The following LHFPL2 variants were observed in gnomAD, a reference collection of about 807,000 sequenced individuals.
LHFPL2 encodes LHFPL tetraspan subfamily member 2 protein.
In LHFPL2, 7 loss-of-function variants were observed where a neutral mutation model predicts 17.5. The observed-to-expected ratio is 0.40, with a 90% confidence interval of 0.23 to 0.75. LHFPL2 has a LOEUF of 0.75. Ranked by LOEUF, LHFPL2 falls within the 30% of genes least tolerant of loss-of-function variation. LHFPL2 has a pLI of 0.37. For synonymous variants in LHFPL2, 134 were observed against 116.2 expected, an observed-to-expected ratio of 1.15 and a Z score of -0.99; for missense variants, 241 against 294.8, an observed-to-expected ratio of 0.82 and a Z score of 1.34.
chr5:78,577,219 A>C (rs1242748153), intron 2 of LHFPL2, among the ~76,000 whole-genome samples: 1 of 152,246 alleles, frequency 6.6e-6, no homozygotes, highest in Non-Finnish European at 1.5e-5. Context: ...TAAGGTAACA[A>C]AGGACTGATC....
At position 78,639,111 on chromosome 5, in the gene LHFPL2, GC is replaced by G. The variant is rs776535762; in HGVS notation, c.-349-6744del. Among the ~76,000 whole-genome samples, 6 of 152,004 alleles carry G rather than the reference GC, an allele frequency of 3.9e-5. No individual in the cohort carries two copies. The East Asian group carries it at 5.8e-4, about 15-fold the overall frequency. On this transcript the variant is annotated intron_variant, in intron 1 of 4. Transcript: ENST00000380345. ...ATGGCTGGTCAGACTATCCTAAGAGGCCCCCCAGCCACCTGTCCACACAGGT... is the reference window on the plus strand; with the variant it reads ...ATGGCTGGTCAGACTATCCTAAGAGGCCCCCAGCCACCTGTCCACACAGGT...
chr5:78,593,993 C>T (rs1181992288), intron 2 of LHFPL2, among the ~76,000 whole-genome samples: 1 of 152,180 alleles, frequency 6.6e-6, no homozygotes, highest in Admixed American at 6.5e-5. Flanking sequence ...TTGTTATGAA[C>T]ACTCTTCCAA....
At chr5:78,639,221 C>T (rs1745574870) in intron 1 of LHFPL2, among the ~76,000 whole-genome samples, 1 of 152,106 alleles carries the variant, frequency 6.6e-6, no homozygotes. Context: ...CCATACTGTC[C>T]CTGACTACAG....
intron 3 of LHFPL2, among the ~76,000 whole-genome samples, chr5:78,533,150 G>A (rs890200312): frequency 2.6e-5 from 4 of 152,256 alleles, no homozygotes; most frequent in Admixed American, 2.6e-4. Context: ...AATTCCTTAG[G>A]TCCAGGTCAG....
intron 3 of LHFPL2, among the ~76,000 whole-genome samples, chr5:78,563,991 CTT>C (rs1756796977): frequency 6.6e-6 from 1 of 152,164 alleles, no homozygotes; most frequent in African/African-American, 2.4e-5. Flanking sequence ...AGCTAAAAGA[CTT>C]TTCTACAAAT....
intron 4 of LHFPL2, among the ~76,000 whole-genome samples, chr5:78,491,843 A>C (rs1392591792): frequency 6.6e-6 from 1 of 152,244 alleles, no homozygotes; most frequent in Non-Finnish European, 1.5e-5. Context: ...GAAGCAGATC[A>C]GCTCATTGTT....
intron 2 of LHFPL2, among the ~76,000 whole-genome samples, chr5:78,571,455 G>A (rs1230896761): frequency 6.6e-6 from 1 of 152,114 alleles, no homozygotes; most frequent in African/African-American, 2.4e-5. Flanking sequence ...GCAGCTCAGA[G>A]AGTGGTAGGG....
intron 4 of LHFPL2, among the ~76,000 whole-genome samples, chr5:78,506,081 G>C (rs573292091): frequency 5.3e-5 from 8 of 152,210 alleles, no homozygotes; most frequent in Admixed American, 5.2e-4. Flanking sequence ...CCTGCTATCT[G>C]GATTCACATA....
intron 1 of LHFPL2, among the ~76,000 whole-genome samples, chr5:78,647,160 G>T (rs1219871939): frequency 6.6e-6 from 1 of 152,152 alleles, no homozygotes; most frequent in Non-Finnish European, 1.5e-5. Context: ...ACAGCAAAAA[G>T]AAATGAGACT....
At chr5:78,624,390 C>T (rs965011464) in intron 2 of LHFPL2, among the ~76,000 whole-genome samples, 4 of 152,152 alleles carry the variant, frequency 2.6e-5, no homozygotes, top group African/African-American at 9.7e-5. Context: ...ACACAAATTC[C>T]ACCCAAAAAT....
chr5:78,506,913 G>C (rs1754948536), intron 4 of LHFPL2, among the ~76,000 whole-genome samples: 1 of 151,866 alleles, frequency 6.6e-6, no homozygotes, highest in Admixed American at 6.6e-5. Context: ...ACAGGGGTAG[G>C]GAGGAAGTTA....
At chr5:78,529,944 A>G (rs899829769) in intron 3 of LHFPL2, among the ~76,000 whole-genome samples, 2 of 152,194 alleles carry the variant, frequency 1.3e-5, no homozygotes, top group East Asian at 3.8e-4. Flanking sequence ...TTTACAACTT[A>G]TTTTAAAAAT....
chr5:78,504,588 C>T (rs1754876454), intron 4 of LHFPL2, among the ~76,000 whole-genome samples: 1 of 152,142 alleles, frequency 6.6e-6, no homozygotes, highest in Admixed American at 6.6e-5. Context: ...GTATGCCCAC[C>T]CATACTTCCA....
chr5:78,535,275 C>G (rs1187909164), intron 3 of LHFPL2, among the ~76,000 whole-genome samples: 1 of 152,122 alleles, frequency 6.6e-6, no homozygotes. Context: ...AGGGTCCTGG[C>G]CTTCCACCCA....
At chr5:78,501,758 TA>T (rs983865357) in intron 4 of LHFPL2, among the ~76,000 whole-genome samples, 4 of 152,212 alleles carry the variant, frequency 2.6e-5, no homozygotes, top group Non-Finnish European at 4.4e-5. Context: ...GTGGACAAGC[TA>T]AACCAGGCTT....
At chr5:78,579,006 T>A (rs1257653961) in intron 2 of LHFPL2, among the ~76,000 whole-genome samples, 2 of 152,182 alleles carry the variant, frequency 1.3e-5, no homozygotes, top group Non-Finnish European at 2.9e-5. Flanking sequence ...GTGGTTGAGG[T>A]AGGCCCTTCT....
intron 2 of LHFPL2, among the ~76,000 whole-genome samples, chr5:78,620,769 C>G (rs1744823589): frequency 6.6e-6 from 1 of 152,214 alleles, no homozygotes; most frequent in Non-Finnish European, 1.5e-5. Flanking sequence ...CTGAGAAACC[C>G]TGTGCTGGGG....
chr5:78,641,921 A>ACACACACACACACACG (rs1317319046), intron 1 of LHFPL2: 13 of 131,322 alleles, frequency 9.9e-5, no homozygotes, highest in Admixed American at 7.6e-5. Flanking sequence ...ACACACACAC[A>ACACACACACACACACG]CACACACACA....
intron 3 of LHFPL2, among the ~76,000 whole-genome samples, chr5:78,553,929 T>G (rs773972696): frequency 3.9e-5 from 6 of 152,262 alleles, no homozygotes; most frequent in Non-Finnish European, 8.8e-5. Flanking sequence ...TGTCAGTGTT[T>G]GTTGTTGAGG....
Sources: allele counts gnomAD v4.1 joint callset (sites outside exome capture counted in the v4.1 genomes callset), GRCh38; gene constraint gnomAD v4.1.1; transcripts MANE v1.5; gene names NCBI Gene and HGNC (gene_info 2026-07-23, HGNC 2026-07-21).